The following ITPR2 variants were observed in gnomAD, a reference collection of about 807,000 sequenced individuals.
ITPR2 encodes the protein inositol 1,4,5-trisphosphate-gated calcium channel ITPR2.
In ITPR2, 207 loss-of-function variants were observed where a neutral mutation model predicts 317.1. The observed-to-expected ratio is 0.65, with a 90% CI of 0.58 to 0.73. The LOEUF is 0.73. ITPR2 is among the 30% of genes least tolerant of loss of function. The pLI, the probability that ITPR2 is intolerant of heterozygous loss-of-function variation, is 0.00. For missense variants in ITPR2, 2,613 were observed against 3,284.0 expected (o/e 0.80, Z 4.99); for synonymous variants, 1,156 against 1,149.1 (o/e 1.01, Z -0.12).
intron 32 of ITPR2, among the ~76,000 whole-genome samples, chr12:26,587,372 C>T (rs1288639956): frequency 1.3e-5 from 2 of 151,702 alleles, no homozygotes; most frequent in Non-Finnish European, 2.9e-5. Context: ...AGAAAAGAGC[C>T]TGTTATTTTA....
chr12:26,779,241 A>G (rs1026167269), intron 2 of ITPR2, among the ~76,000 whole-genome samples: 4 of 152,176 alleles, frequency 2.6e-5, no homozygotes, highest in African/African-American at 9.7e-5. Context: ...AGGCCCTGCC[A>G]TCTTCTGCAG....
intron 49 of ITPR2, among the ~76,000 whole-genome samples, chr12:26,422,154 T>C (rs1565517739): frequency 1.3e-5 from 2 of 150,086 alleles, no homozygotes; most frequent in African/African-American, 4.9e-5. Context: ...AAATGATTAA[T>C]TAATATATTT....
In ITPR2 at chr12:26,602,399, A is replaced by C. The variant is rs1335459498; in HGVS notation, c.3649T>G (p.Leu1217Val). The C allele has an allele frequency of 1.2e-6, 2 of 1,613,840 alleles. No individual in the cohort carries two copies. Among genetic ancestry groups the C allele is most frequent in the Middle Eastern group, 1.6e-4 (1 of 6,062 alleles). The stretch of plus-strand genomic sequence containing the variant: ...TCATAGGGTATCTGCAGAAGATCCA[A>C]CACCACCGAATGCGCCCCCATATTT... ...LKNMGAHSVV[L>V]DLLQIPYEKN... The change falls in exon 28 of 57, where the codon TTG (leucine) becomes GTG (valine). Residue 1217 changes from leucine to valine, a missense_variant. Around this residue, in one of 9 missense-constraint regions of ITPR2, gnomAD observed 817 missense variants for 897.6 expected, o/e 0.91. Coordinates refer to ENST00000381340, the MANE Select transcript of ITPR2 (RefSeq NM_002223.4).
chr12:26,682,011 T>C lies in ITPR2; in HGVS notation c.1272A>G (p.Glu424=). The change falls in exon 13 of 57, where the codon GAA becomes GAG. Residue 424 remains glutamate, a synonymous_variant. Coordinates refer to ENST00000381340, the MANE Select transcript of ITPR2 (RefSeq NM_002223.4). ...ACACGATTGCGAACGCTTCTTTATC[T>C]TCTTTGGTTTGGCAGGTTCCAATCT... ...MLKIGTCQTK[E]DKEAFAIVSV... 2 of 1,613,228 alleles carry C rather than the reference T, an allele frequency of 1.2e-6. No homozygotes were observed. The highest frequency in any genetic ancestry group is 1.7e-6 in the Non-Finnish European group (2 of 1,179,492).
chr12:26,828,721 G>T (rs561440970), intron 1 of ITPR2, among the ~76,000 whole-genome samples: 39 of 152,286 alleles, frequency 2.6e-4, no homozygotes, highest in African/African-American at 9.1e-4. Flanking sequence ...CCACCCACAT[G>T]TTAATAAAAA....
At chr12:26,588,190 A>T (rs910553002) in intron 32 of ITPR2, among the ~76,000 whole-genome samples, 5 of 152,178 alleles carry the variant, frequency 3.3e-5, no homozygotes, top group Admixed American at 6.6e-5. Flanking sequence ...ACATCAGGAG[A>T]ACCATAGAAA....
intron 26 of ITPR2, among the ~76,000 whole-genome samples, chr12:26,611,816 G>A (rs1455438643): frequency 6.6e-6 from 1 of 152,188 alleles, no homozygotes; most frequent in African/African-American, 2.4e-5. Flanking sequence ...GGTTTCCTGA[G>A]TTAATCTCTC....
rs899913337 is a variant in ITPR2, at chr12:26,362,338, T to C, written c.7858-22010A>G. Among the ~76,000 whole-genome samples the C allele has an allele frequency of 3.9e-5, 6 of 152,178 alleles. 1 individual carries two copies. The South Asian group carries it at 6.2e-4, about 16-fold the overall frequency. ...TTTCTTACCAAAATTAAAACTTCCA[T>C]AGGCCTTCTGAGACCTAAGCACCAG... On this transcript the variant is annotated intron_variant, in intron 55 of 56. Coordinates refer to ENST00000381340, the MANE Select transcript of ITPR2 (RefSeq NM_002223.4).
chr12:26,775,761 C>T (rs1242444709), intron 2 of ITPR2, among the ~76,000 whole-genome samples: 3 of 151,742 alleles, frequency 2.0e-5, no homozygotes, highest in Non-Finnish European at 2.9e-5. Flanking sequence ...CTGGATTAGC[C>T]TTCCAGCTTA....
intron 2 of ITPR2, among the ~76,000 whole-genome samples, chr12:26,764,930 G>C (rs565368402): frequency 6.6e-6 from 1 of 152,038 alleles, no homozygotes; most frequent in South Asian, 2.1e-4. Context: ...CTTTAGCTAA[G>C]GAACACAGCT....
intron 10 of ITPR2, among the ~76,000 whole-genome samples, chr12:26,687,921 G>A (rs1289925345): frequency 6.6e-6 from 1 of 152,090 alleles, no homozygotes; most frequent in East Asian, 1.9e-4. Flanking sequence ...TTTCTTATTT[G>A]TAAATATAAA....
chr12:26,817,498 C>A (rs146733622), intron 1 of ITPR2, among the ~76,000 whole-genome samples: 3 of 152,336 alleles, frequency 2.0e-5, no homozygotes, highest in Non-Finnish European at 4.4e-5. Flanking sequence ...AGCCCCACTA[C>A]AGCTGTTTGG....
At chr12:26,389,488 C>CTT (rs200480528) in intron 54 of ITPR2, among the ~76,000 whole-genome samples, 12 of 145,234 alleles carry the variant, frequency 8.3e-5, no homozygotes, top group African/African-American at 2.5e-4. Flanking sequence ...GGCCTCTTTG[C>CTT]TTTTTTTTTT....
intron 51 of ITPR2, among the ~76,000 whole-genome samples, chr12:26,413,725 G>A (rs897710294): frequency 3.9e-5 from 6 of 152,004 alleles, no homozygotes; most frequent in African/African-American, 1.2e-4. Context: ...CTATATGAAT[G>A]TGTATAAATA....
chr12:26,781,060 C>T (rs1592122267), intron 2 of ITPR2, among the ~76,000 whole-genome samples: 4 of 152,262 alleles, frequency 2.6e-5, no homozygotes, highest in Middle Eastern at 6.8e-3. Flanking sequence ...ACAGGAGATC[C>T]TTGGGGCATC....
intron 2 of ITPR2, among the ~76,000 whole-genome samples, chr12:26,770,963 C>T (rs967957277): frequency 5.9e-5 from 9 of 152,124 alleles, no homozygotes; most frequent in Admixed American, 2.6e-4. Flanking sequence ...AAGTCCTCCT[C>T]GGCTTATGGC....
rs770909837 is a variant in ITPR2, at chr12:26,486,155, T to C, written c.5760A>G (p.Pro1920=). ...TMSPAIAIMQ[P]ILRFLQLLCE... ...ACAGTAACTGAAGAAATCTCAGTAT[T>C]GGCTGCATGATGGCAATTGCGGGAC... Residue 1920 remains proline (P), a synonymous_variant, in exon 41 of 57, where the codon CCA becomes CCG. Transcript: ENST00000381340. The C allele has an allele frequency of 1.6e-5, 26 of 1,614,078 alleles. No individual in the cohort carries two copies. Among genetic ancestry groups the C allele is most frequent in the Admixed American group, 5.0e-5 (3 of 60,012 alleles).
chr12:26,507,863 C>CTCTGTGTGTT (rs372756412), intron 37 of ITPR2, among the ~76,000 whole-genome samples: 6 of 132,202 alleles, frequency 4.5e-5, no homozygotes, highest in Admixed American at 3.8e-4. Context: ...CTCTCTGTCT[C>CTCTGTGTGTT]TGTGTGTGTG....
intron 43 of ITPR2, among the ~76,000 whole-genome samples, chr12:26,479,310 A>T (rs7979933): frequency 6.6e-6 from 1 of 151,830 alleles, no homozygotes; most frequent in Non-Finnish European, 1.5e-5. Flanking sequence ...TTGAATAGTT[A>T]ATAATATCTT....
Sources: gnomAD v4.1 joint callset for allele counts (sites outside exome capture counted in the v4.1 genomes callset) on GRCh38, gnomAD v4.1.1 for gene constraint, gnomAD v4.1.1 regional missense constraint, MANE v1.5 for transcripts, NCBI Gene and HGNC (gene_info 2026-07-23, HGNC 2026-07-21) for gene names.